RGPD6: variants seen among roughly 807,000 people sequenced by gnomAD.
RGPD6 encodes RANBP2-like and GRIP domain-containing protein 5/6.
chr2:110,596,545 TTGTTA>T, the RGPD6 span, among the ~76,000 whole-genome samples: 1 of 148,596 alleles, frequency 6.7e-6, no homozygotes, highest in East Asian at 1.9e-4. Flanking sequence ...ACCATCATTA[TTGTTA>T]TTAATGAAGT....
chr2:110,600,749 G>C, the RGPD6 span, among the ~76,000 whole-genome samples: 1 of 75,430 alleles, frequency 1.3e-5, no homozygotes, highest in African/African-American at 4.5e-5. Context: ...ATGCTTCTGT[G>C]AGAATATAAT....
At chr2:110,606,672 A>C in the RGPD6 span, among the ~76,000 whole-genome samples, 5 of 139,106 alleles carry the variant, frequency 3.6e-5, no homozygotes, top group African/African-American at 1.2e-4. Context: ...GCATAAAATG[A>C]TCTTTTAGAG....
intron 1 of RGPD6, 48 bp downstream of exon 1, chr2:110,576,905 C>CT (rs1553511147): frequency 1.9e-6 from 2 of 1,049,518 alleles, no homozygotes; most frequent in African/African-American, 3.2e-5. Context: ...CCCCCCTCCC[C>CT]CCCCGGCCGG....
chr2:110,591,385 G>A, the RGPD6 span, among the ~76,000 whole-genome samples: 1 of 150,564 alleles, frequency 6.6e-6, no homozygotes, highest in Admixed American at 6.6e-5. Context: ...ACGCTTTGTC[G>A]AATATAATCA....
the RGPD6 span, among the ~76,000 whole-genome samples, chr2:110,594,140 A>G: frequency 1.4e-5 from 2 of 147,786 alleles, no homozygotes; most frequent in African/African-American, 2.6e-5. Context: ...TTAATAGATT[A>G]AAGTATATTA....
chr2:110,604,781 T>G, the RGPD6 span, among the ~76,000 whole-genome samples: 1 of 148,576 alleles, frequency 6.7e-6, no homozygotes, highest in African/African-American at 2.5e-5. Context: ...TTTCTTAATT[T>G]GCCTATTAAT....
chr2:110,606,744 C>A, the RGPD6 span, among the ~76,000 whole-genome samples: 2 of 150,224 alleles, frequency 1.3e-5, no homozygotes, highest in African/African-American at 2.5e-5. Flanking sequence ...ACTCTCAATA[C>A]CCCCACCCAC....
the RGPD6 span, among the ~76,000 whole-genome samples, chr2:110,595,924 AAAGAACATTATCT>A: frequency 1.3e-5 from 2 of 149,824 alleles, no homozygotes; most frequent in Admixed American, 1.3e-4. Context: ...TGATAGTACA[AAAGAACATTATCT>A]AATTTAATCC....
the RGPD6 span, among the ~76,000 whole-genome samples, chr2:110,591,540 C>A: frequency 6.8e-6 from 1 of 148,140 alleles, no homozygotes; most frequent in Non-Finnish European, 1.5e-5. Flanking sequence ...TCTCCTACAG[C>A]CCCTTGCTGT....
At chr2:110,608,333 T>C in the RGPD6 span, among the ~76,000 whole-genome samples, 1 of 148,648 alleles carries the variant, frequency 6.7e-6, no homozygotes, top group Admixed American at 6.7e-5. Flanking sequence ...AAAGCTTCTA[T>C]TTCCTCATCT....
At chr2:110,605,319 C>G in the RGPD6 span, among the ~76,000 whole-genome samples, 1 of 151,416 alleles carries the variant, frequency 6.6e-6, no homozygotes, top group Non-Finnish European at 1.5e-5. Flanking sequence ...CCCCTCCAGG[C>G]CCATGCTGAG....
the RGPD6 span, among the ~76,000 whole-genome samples, chr2:110,605,011 C>T: frequency 1.1e-4 from 16 of 149,366 alleles, no homozygotes; most frequent in African/African-American, 3.8e-4. Context: ...CCTATCCACA[C>T]ATTAAGGTGC....
the RGPD6 span, among the ~76,000 whole-genome samples, chr2:110,600,047 G>A: frequency 6.6e-6 from 1 of 152,242 alleles, no homozygotes; most frequent in South Asian, 2.1e-4. Context: ...GAAAAACTCA[G>A]CAGGCTCCAA....
the RGPD6 span, among the ~76,000 whole-genome samples, chr2:110,593,273 TTCA>T: frequency 6.8e-6 from 1 of 148,096 alleles, no homozygotes; most frequent in Admixed American, 6.7e-5. Flanking sequence ...GGCCTTACAC[TTCA>T]TCAGTGACCC....
chr2:110,609,501 A>G, the RGPD6 span, among the ~76,000 whole-genome samples: 1 of 139,598 alleles, frequency 7.2e-6, no homozygotes, highest in East Asian at 2.0e-4. Flanking sequence ...CACAGAAAAT[A>G]CACACAGATC....
the RGPD6 span, among the ~76,000 whole-genome samples, chr2:110,601,059 C>T: frequency 6.6e-6 from 1 of 151,858 alleles, no homozygotes; most frequent in African/African-American, 2.4e-5. Context: ...TCCCAGGATG[C>T]TCTGAGCTTC....
At chr2:110,610,799 G>T in the RGPD6 span, 1 of 1,109,630 alleles carries the variant, frequency 9.0e-7, no homozygotes. Flanking sequence ...CGCCGCCGCT[G>T]CCGCCGCTGC....
At chr2:110,605,880 AC>A in the RGPD6 span, among the ~76,000 whole-genome samples, 6 of 151,154 alleles carry the variant, frequency 4.0e-5, no homozygotes. Flanking sequence ...CTACTCCAGG[AC>A]CCATTTCAAA....
At chr2:110,601,224 A>C in the RGPD6 span, among the ~76,000 whole-genome samples, 2 of 148,030 alleles carry the variant, frequency 1.4e-5, no homozygotes, top group East Asian at 2.0e-4. Context: ...GTGGGACAAG[A>C]AGCAAGTGGG....
Sources: allele counts gnomAD v4.1 joint callset (sites outside exome capture counted in the v4.1 genomes callset), GRCh38; gene constraint gnomAD v4.1.1; transcripts MANE v1.5; gene names NCBI Gene and HGNC (gene_info 2026-07-23, HGNC 2026-07-21).